Variants in OXTR observed in about 807,000 individuals in gnomAD.
OXTR encodes the protein oxytocin receptor.
In OXTR, 19 loss-of-function variants were observed where a neutral mutation model predicts 23.9. That is an observed-to-expected ratio of 0.80 (90% CI 0.56 to 1.17). OXTR has a LOEUF of 1.17. Ranked by LOEUF, OXTR falls within the 50% of genes most tolerant of loss-of-function variation. OXTR has a pLI of 0.00. For missense variants in OXTR, 500 were observed against 550.7 expected, an observed-to-expected ratio of 0.91 and a Z score of 0.92; for synonymous variants, 278 against 250.5, an observed-to-expected ratio of 1.11 and a Z score of -1.04.
the OXTR span, among the ~76,000 whole-genome samples, chr3:8,743,320 G>A: frequency 1.3e-5 from 2 of 152,116 alleles, no homozygotes; most frequent in Non-Finnish European, 2.9e-5. Context: ...CTGGGGGTTT[G>A]ACTAGAACCT....
rs979528099 is a variant in OXTR at position 8,768,198 on chromosome 3, G to C, written c.-11C>G. On this transcript the variant is annotated 5_prime_UTR_variant, in exon 3 of 4. Transcript: ENST00000316793. This position sits in a 1 kb window ranked among gnomAD's most constrained non-coding sequence, Gnocchi z 5.4. ...GAGCGCGCCCTCCATGACCCTGGCG[G>C]CAGCGGTGCGCCCCGGCCTTCGAGC... 8 of 1,284,340 alleles carry C rather than the reference G, an allele frequency of 6.2e-6. No individual in the cohort carries two copies. Among genetic ancestry groups the C allele is most frequent in the Non-Finnish European group, 7.8e-6 (8 of 1,022,280 alleles). The allele number at this position is 1,284,340 out of a possible 1,614,324, so 79.6% of individuals were successfully genotyped here. A position where few individuals can be genotyped will look rare whatever the true frequency, so the allele number is the denominator to read the frequency against.
the OXTR span, chr3:8,742,699 G>C: frequency 6.2e-6 from 2 of 322,268 alleles, no homozygotes; most frequent in South Asian, 4.9e-5. Flanking sequence ...TGGGCAAAGT[G>C]GGTAATCAAT....
rs1257650247 is a variant in OXTR, at chr3:8,750,745, T to C, written c.*2232A>G. 6.6e-6 allele frequency: 1 copy of C among 152,234 alleles called. No homozygotes were observed. The highest frequency in any genetic ancestry group is 2.4e-5 in the African/African-American group (1 of 41,448). 9.4% of individuals were successfully genotyped at this position (152,234 alleles called of 1,614,324 possible). On this transcript the variant is annotated 3_prime_UTR_variant, in exon 4 of 4. Transcript: ENST00000316793. ...TTTTTAGAGTCTAATAATGTTCCAT[T>C]GCGTGGACAGACCACATTTTATTTC...
chr3:8,742,884 T>C, the OXTR span, among the ~76,000 whole-genome samples: 1 of 152,112 alleles, frequency 6.6e-6, no homozygotes, highest in South Asian at 2.1e-4. Context: ...TGAGACTGGG[T>C]AATTTATAAA....
the OXTR span, among the ~76,000 whole-genome samples, chr3:8,741,819 A>G: frequency 0.36 from 55,135 of 151,842 alleles, 10,413 homozygotes; most frequent in African/African-American, 0.49. Context: ...CTGCTATCCT[A>G]CACCTTCCCC....
intron 3 of OXTR, among the ~76,000 whole-genome samples, chr3:8,757,443 AC>A (rs1708395391): frequency 6.6e-6 from 1 of 151,624 alleles, no homozygotes; most frequent in Non-Finnish European, 1.5e-5. Flanking sequence ...AAAAAAAAAA[AC>A]AAAAAACAAA....
the OXTR span, among the ~76,000 whole-genome samples, chr3:8,742,806 G>A: frequency 6.6e-6 from 1 of 152,224 alleles, no homozygotes; most frequent in Non-Finnish European, 1.5e-5. Flanking sequence ...TAGGTGGATA[G>A]ATGGATAGAT....
chr3:8,754,629 A>T (rs1708338662), intron 3 of OXTR, among the ~76,000 whole-genome samples: 1 of 152,230 alleles, frequency 6.6e-6, no homozygotes, highest in Non-Finnish European at 1.5e-5. Flanking sequence ...GAAGTCTTCA[A>T]GCACCAAGGG....
Position 8,767,274 on chromosome 3 carries a change from G to A in OXTR, c.914C>T (p.Pro305Leu), listed in dbSNP as rs1261559119. The A allele has an allele frequency of 1.3e-6, 2 of 1,545,406 alleles. No homozygotes were observed. Residue 305 changes from proline to leucine, a missense_variant, in exon 3 of 4, where the codon CCC becomes CTC. Coordinates refer to ENST00000316793, the MANE Select transcript of OXTR (RefSeq NM_000916.4). ...CTCCCAGCCCTGGCTACCTTCCTTG[G>A]GCGCGTTGGCATCCCAGACGCTCCA... ...QMWSVWDANA[P>L]KEASAFIIVM...
Position 8,767,652 on chromosome 3 carries a change from T to G in OXTR, c.536A>C (p.Glu179Ala). The change falls in exon 3 of 4, where the codon GAG (glutamate) becomes GCG (alanine). Residue 179 changes from glutamate to alanine, a missense_variant. Coordinates refer to ENST00000316793, the MANE Select transcript of OXTR (RefSeq NM_000916.4). Reference protein sequence around the residue: ...APQVHIFSLREVADGVFDCWA... With the variant: ...APQVHIFSLRAVADGVFDCWA... ...GCAGTCGAAGACGCCGTCAGCCACC[T>G]CGCGCAGAGAGAAGATGTGCACCTG... 6.2e-7 allele frequency: 1 copy of G among 1,612,760 alleles called. No homozygotes were observed. The highest frequency in any genetic ancestry group is 8.5e-7 in the Non-Finnish European group (1 of 1,179,630).
rs199506138 is a variant in OXTR at position 8,767,471 on chromosome 3, C to T, written c.717G>A (p.Ala239=). The T allele has an allele frequency of 2.5e-5, 40 of 1,601,916 alleles. No individual in the cohort carries two copies. In the South Asian group the frequency reaches 3.9e-4, roughly 16 times the overall value. The stretch of plus-strand genomic sequence containing the variant: ...CCGCGCCCTCTGGCGCCTCGGCCGC[C>T]GCCGCTGCAGCGGTCTTGAGCCGCA... ...QNLRLKTAAA[A]AAEAPEGAAA... Residue 239 remains alanine (A), a synonymous_variant, in exon 3 of 4, where the codon GCG becomes GCA. Coordinates refer to ENST00000316793, the MANE Select transcript of OXTR (RefSeq NM_000916.4).
rs769144418 is a variant in OXTR at position 8,767,827 on chromosome 3, C to A, written c.361G>T (p.Val121Leu). Residue 121 changes from valine to leucine, a missense_variant, in exon 3 of 4, where the codon GTG becomes TTG. Coordinates refer to ENST00000316793, the MANE Select transcript of OXTR (RefSeq NM_000916.4). ...AGGTAGGTGGAGGCGAACATGCCCA[C>A]CACCTGCAAGTACTTGACCAGGCGG... is the stretch of plus-strand genomic sequence containing the variant. ...LCRLVKYLQV[V>L]GMFASTYLLL... The A allele has an allele frequency of 1.2e-6, 2 of 1,611,762 alleles. No individual in the cohort carries two copies. The highest frequency in any genetic ancestry group is 2.2e-5 in the East Asian group (1 of 44,804).
chr3:8,764,966 C>T (rs1001891049), intron 3 of OXTR, among the ~76,000 whole-genome samples: 3 of 152,172 alleles, frequency 2.0e-5, no homozygotes, highest in African/African-American at 7.2e-5. Context: ...GGAAGTAGGA[C>T]CTGAAATTCT....
rs972839077 is a variant in OXTR at position 8,752,764 on chromosome 3, C to T, written c.*213G>A. ...CAGTGGGTTCAGGGTGGTAGAAGTACGTGTAGGAGGCCAGGGTGTTGTCTG... is the reference window on the plus strand; with the variant it reads ...CAGTGGGTTCAGGGTGGTAGAAGTATGTGTAGGAGGCCAGGGTGTTGTCTG... On this transcript the variant is annotated 3_prime_UTR_variant, in exon 4 of 4. Transcript: ENST00000316793. 8.7e-6 allele frequency: 5 copies of T among 575,856 alleles called. No homozygotes were observed. The highest frequency in any genetic ancestry group is 5.6e-5 in the African/African-American group (3 of 53,510). The allele number at this position is 575,856 out of a possible 1,614,324, so 35.7% of individuals were successfully genotyped here.
At chr3:8,767,171 G>T (rs1225479754) in intron 3 of OXTR, 95 bp downstream of exon 3, 2 of 1,226,466 alleles carry the variant, frequency 1.6e-6, no homozygotes, top group Admixed American at 5.7e-5. Context: ...TATCCCCCAG[G>T]AAGTCCACAG....
At chr3:8,755,229 C>T (rs1290049896) in intron 3 of OXTR, among the ~76,000 whole-genome samples, 1 of 151,728 alleles carries the variant, frequency 6.6e-6, no homozygotes, top group Admixed American at 6.6e-5. Flanking sequence ...GGTTCGCCCA[C>T]AAGACTAAAA....
At chr3:8,748,580 A>G (rs1708204709), downstream of OXTR, among the ~76,000 whole-genome samples, 1 of 152,208 alleles carries the variant, frequency 6.6e-6, no homozygotes. Context: ...AAAGCAATGT[A>G]TGGAAACAAA....
At chr3:8,747,037 C>T (rs1451276171), downstream of OXTR, among the ~76,000 whole-genome samples, 1 of 151,794 alleles carries the variant, frequency 6.6e-6, no homozygotes, top group African/African-American at 2.4e-5. Flanking sequence ...CCCCCCAATC[C>T]TATCTGACCT....
Position 8,751,808 on chromosome 3 carries a change from C to G in OXTR, c.*1169G>C, listed in dbSNP as rs199854096. 1 of 152,116 alleles carries G rather than the reference C, an allele frequency of 6.6e-6. No homozygotes were observed. Among genetic ancestry groups the G allele is most frequent in the Non-Finnish European group, 1.5e-5 (1 of 68,016 alleles). The allele number at this position is 152,116 out of a possible 1,614,324, so 9.4% of individuals were successfully genotyped here. A position where few individuals can be genotyped will look rare whatever the true frequency, so the allele number is the denominator to read the frequency against. ...ATGAAATCAGGAAGTGTGAATCCAC[C>G]AACTTTGTTCTTTTTCAAGGCTTAT... On this transcript the variant is annotated 3_prime_UTR_variant, in exon 4 of 4. Transcript: ENST00000316793.
Sources: allele counts gnomAD v4.1 joint callset (sites outside exome capture counted in the v4.1 genomes callset), GRCh38; gene constraint gnomAD v4.1.1; non-coding constraint Gnocchi (gnomAD v3.1); transcripts MANE v1.5; gene names NCBI Gene and HGNC (gene_info 2026-07-23, HGNC 2026-07-21).